Variants in CA10 observed in about 807,000 individuals in gnomAD.
CA10 encodes the protein carbonic anhydrase 10 (inactive), also known as carbonic anhydrase-related protein 10.
In CA10, 14 loss-of-function variants were observed where a neutral mutation model predicts 44.2. That is an observed-to-expected ratio of 0.32 (90% CI 0.21 to 0.50). The LOEUF (loss-of-function observed/expected upper bound fraction) is 0.50. Among genes scored for constraint, CA10 ranks in the 20% least tolerant of loss-of-function variants. The pLI is 0.99. For missense variants in CA10, 350 were observed against 409.7 expected (o/e 0.85, Z 1.26); for synonymous variants, 159 against 141.6 (o/e 1.12, Z -0.87).
At chr17:52,069,025 G>C (rs1364041367) in intron 2 of CA10, among the ~76,000 whole-genome samples, 1 of 152,180 alleles carries the variant, frequency 6.6e-6, no homozygotes, top group Non-Finnish European at 1.5e-5. Context: ...CTGGCCTAAG[G>C]CTTCTGGAGG....
intron 3 of CA10, among the ~76,000 whole-genome samples, chr17:51,892,587 A>G (rs1378635925): frequency 6.6e-6 from 1 of 152,192 alleles, no homozygotes; most frequent in Non-Finnish European, 1.5e-5. Flanking sequence ...TAATCTTGTT[A>G]TGGCAAACAT....
At chr17:51,642,840 A>G (rs1913146998) in intron 6 of CA10, among the ~76,000 whole-genome samples, 1 of 152,052 alleles carries the variant, frequency 6.6e-6, no homozygotes, top group Non-Finnish European at 1.5e-5. Context: ...ACAGGGTTTC[A>G]CCATGGTGGC....
chr17:52,053,929 C>T (rs1006524337), intron 2 of CA10, among the ~76,000 whole-genome samples: 2 of 152,062 alleles, frequency 1.3e-5, no homozygotes, highest in Non-Finnish European at 2.9e-5. Context: ...CTCTTAATCC[C>T]GTCAGCTTCA....
chr17:52,058,816 A>G (rs1406145265), intron 2 of CA10, among the ~76,000 whole-genome samples: 1 of 151,958 alleles, frequency 6.6e-6, no homozygotes, highest in Non-Finnish European at 1.5e-5. Context: ...TGTGGATCCC[A>G]CCACTCATGT....
intron 2 of CA10, among the ~76,000 whole-genome samples, chr17:51,973,599 C>A (rs140009633): frequency 9.9e-5 from 15 of 152,224 alleles, no homozygotes; most frequent in African/African-American, 3.1e-4. Flanking sequence ...TTTCCTAATG[C>A]CTCAAGCATT....
intron 3 of CA10, among the ~76,000 whole-genome samples, chr17:51,806,918 T>G (rs561166442): frequency 6.6e-6 from 1 of 152,280 alleles, no homozygotes; most frequent in African/African-American, 2.4e-5. Flanking sequence ...ATAGTAAGAG[T>G]TCCCTTGAGA....
chr17:51,824,708 C>T (rs146154865), intron 3 of CA10, among the ~76,000 whole-genome samples: 1 of 152,320 alleles, frequency 6.6e-6, no homozygotes, highest in Non-Finnish European at 1.5e-5. Flanking sequence ...ATCTTTTATT[C>T]TTTGGGCATT....
chr17:51,638,255 T>G (rs1912922181), intron 6 of CA10, among the ~76,000 whole-genome samples: 1 of 152,252 alleles, frequency 6.6e-6, no homozygotes, highest in South Asian at 2.1e-4. Context: ...CTGCCCTTCC[T>G]GGCCTCCTAC....
chr17:52,012,601 A>C (rs1400341122), intron 2 of CA10, among the ~76,000 whole-genome samples: 1 of 152,044 alleles, frequency 6.6e-6, no homozygotes, highest in Non-Finnish European at 1.5e-5. Flanking sequence ...AATGGTTCAA[A>C]GTTAAACTAT....
At chr17:51,704,130 C>T (rs149467730) in intron 4 of CA10, among the ~76,000 whole-genome samples, 7 of 152,250 alleles carry the variant, frequency 4.6e-5, no homozygotes, top group Middle Eastern at 3.4e-3. Flanking sequence ...CCCATCTATC[C>T]GTCCATCCAT....
At chr17:51,737,415 A>G (rs1404854812) in intron 4 of CA10, among the ~76,000 whole-genome samples, 1 of 145,886 alleles carries the variant, frequency 6.9e-6, no homozygotes, top group Non-Finnish European at 1.5e-5. Flanking sequence ...GATGAGTTCT[A>G]AGGTGAACCT....
chr17:51,985,257 A>C (rs1276005511), intron 2 of CA10, among the ~76,000 whole-genome samples: 1 of 152,104 alleles, frequency 6.6e-6, no homozygotes, highest in Non-Finnish European at 1.5e-5. Context: ...ATAATTAAAA[A>C]CAAAGACTAC....
intron 3 of CA10, among the ~76,000 whole-genome samples, chr17:51,842,610 G>C (rs537926700): frequency 2.6e-5 from 4 of 152,232 alleles, no homozygotes; most frequent in Middle Eastern, 3.4e-3. Flanking sequence ...ACATATCCTT[G>C]TAAAAGATAA....
chr17:52,148,290 T>C (rs1444722789), intron 1 of CA10, among the ~76,000 whole-genome samples: 1 of 152,176 alleles, frequency 6.6e-6, no homozygotes, highest in Non-Finnish European at 1.5e-5. Flanking sequence ...AGCGTACATG[T>C]TCCAAACAAT....
chr17:51,726,766 C>G (rs1370994851), intron 4 of CA10, among the ~76,000 whole-genome samples: 2 of 152,060 alleles, frequency 1.3e-5, no homozygotes, highest in Admixed American at 6.5e-5. Context: ...AAGCATAGAA[C>G]AGAGTACTTA....
At chr17:51,741,568 A>G (rs1016159183) in intron 4 of CA10, among the ~76,000 whole-genome samples, 4 of 152,216 alleles carry the variant, frequency 2.6e-5, no homozygotes, top group African/African-American at 9.7e-5. Context: ...AAAAATGCCT[A>G]TAAGATTTTT....
intron 3 of CA10, chr17:51,761,829 A>G (rs1905223933): frequency 6.6e-6 from 1 of 152,196 alleles, no homozygotes; most frequent in Admixed American, 6.5e-5. Flanking sequence ...AAATCCAAAC[A>G]GGTCTCTACC....
intron 2 of CA10, among the ~76,000 whole-genome samples, chr17:52,033,906 A>G (rs958592909): frequency 1.3e-5 from 2 of 152,248 alleles, no homozygotes; most frequent in African/African-American, 2.4e-5. Context: ...CCTAGAAGAC[A>G]TTATGCTAAG....
intron 4 of CA10, among the ~76,000 whole-genome samples, chr17:51,721,665 TA>T (rs951015942): frequency 2.8e-3 from 419 of 147,638 alleles, no homozygotes; most frequent in African/African-American, 8.6e-3. Context: ...ATGTATGAAT[TA>T]AAAAAAAAAA....
Sources: allele counts gnomAD v4.1 joint callset (sites outside exome capture counted in the v4.1 genomes callset), GRCh38; gene constraint gnomAD v4.1.1; transcripts MANE v1.5; gene names NCBI Gene and HGNC (gene_info 2026-07-23, HGNC 2026-07-21).